Variants in TXNDC8 observed in about 807,000 individuals in gnomAD.
TXNDC8 encodes the protein thioredoxin domain-containing protein 8.
A neutral mutation model predicts 12.9 loss-of-function variants in TXNDC8; 15 were observed. That is an observed-to-expected ratio of 1.16 (90% CI 0.78 to 1.79). The LOEUF is 1.79. Among genes scored for constraint, TXNDC8 ranks in the 40% most tolerant of loss-of-function variants. TXNDC8 has a pLI of 0.00. For missense variants in TXNDC8, 128 were observed against 113.2 expected (o/e 1.13, Z -0.59); for synonymous variants, 40 against 35.4 (o/e 1.13, Z -0.46).
At chr9:110,310,206 TG>T (rs1838613097) in intron 3 of TXNDC8, among the ~76,000 whole-genome samples, 1 of 151,732 alleles carries the variant, frequency 6.6e-6, no homozygotes, top group African/African-American at 2.4e-5. Flanking sequence ...GTGTGGTGTG[TG>T]TGTGTGTGTG....
intron 3 of TXNDC8, among the ~76,000 whole-genome samples, chr9:110,311,537 A>G (rs867722412): frequency 0.031 from 3,668 of 117,842 alleles, 343 homozygotes; most frequent in East Asian, 0.11. Flanking sequence ...ATATATATAT[A>G]TATATATATA....
rs578245948 is a variant in TXNDC8, at chr9:110,318,532, C to T, written c.195+7643G>A. Among the ~76,000 whole-genome samples the T allele has an allele frequency of 9.2e-5, 14 of 152,176 alleles. No individual in the cohort carries two copies. In the East Asian group the frequency reaches 1.7e-3, roughly 19 times the overall value. ...CAGGTGGATCACGAGGTCAGGAGAT[C>T]GAGACCATCCTGCCTAACACGATGA... On this transcript the variant is annotated intron_variant, in intron 3 of 4. Transcript: ENST00000423740.
At position 110,334,214 on chromosome 9, in the gene TXNDC8, A is replaced by C. The variant is rs200534786; in HGVS notation, c.129+2T>G. 1 of 1,608,296 alleles carries C rather than the reference A, an allele frequency of 6.2e-7. No homozygotes were observed. Among genetic ancestry groups the C allele is most frequent in the Admixed American group, 1.7e-5 (1 of 59,932 alleles). ...TATGAGATATATACTGGTTGTACTC[A>C]CATGGAAAACAGGAAACATCCTTTT... On this transcript the variant is annotated splice_donor_variant, in intron 2 of 4. Coordinates refer to ENST00000423740, the MANE Select transcript of TXNDC8 (RefSeq NM_001286946.2). LOFTEE classifies it high-confidence loss of function.
chr9:110,336,430 C>T (rs1839763000), intron 1 of TXNDC8, among the ~76,000 whole-genome samples: 1 of 152,174 alleles, frequency 6.6e-6, no homozygotes, highest in Non-Finnish European at 1.5e-5. Flanking sequence ...AAGGTAGATG[C>T]TATCCTCACA....
chr9:110,319,653 T>C (rs1839017869), intron 3 of TXNDC8, among the ~76,000 whole-genome samples: 1 of 152,212 alleles, frequency 6.6e-6, no homozygotes, highest in Admixed American at 6.5e-5. Flanking sequence ...GATCAAGCAC[T>C]GTGTTTTATG....
intron 2 of TXNDC8, among the ~76,000 whole-genome samples, chr9:110,332,662 G>A (rs1328954405): frequency 6.6e-6 from 1 of 152,032 alleles, no homozygotes; most frequent in Non-Finnish European, 1.5e-5. Flanking sequence ...GAGAAAAAGT[G>A]CCCTGAGATT....
chr9:110,330,326 C>T (rs1350269079), intron 2 of TXNDC8, among the ~76,000 whole-genome samples: 1 of 152,168 alleles, frequency 6.6e-6, no homozygotes, highest in African/African-American at 2.4e-5. Flanking sequence ...CCAATCTATT[C>T]TTGTGCAACC....
chr9:110,305,441 G>C (rs1838398272), intron 3 of TXNDC8, among the ~76,000 whole-genome samples: 1 of 152,132 alleles, frequency 6.6e-6, no homozygotes, highest in Non-Finnish European at 1.5e-5. Context: ...ATCTTTGTGA[G>C]CACATAAGCA....
downstream of TXNDC8, among the ~76,000 whole-genome samples, chr9:110,303,082 T>C (rs1838302851): frequency 6.6e-6 from 1 of 151,842 alleles, no homozygotes; most frequent in African/African-American, 2.4e-5. Flanking sequence ...AATGATGCAT[T>C]GGAGAAGAAT....
At chr9:110,323,095 A>T (rs1328874327) in intron 3 of TXNDC8, 2 of 985,316 alleles carry the variant, frequency 2.0e-6, no homozygotes, top group African/African-American at 1.7e-5. Flanking sequence ...ATGTTAAAAA[A>T]GGATGCCATA....
chr9:110,315,677 T>C (rs936235113), intron 3 of TXNDC8, among the ~76,000 whole-genome samples: 1 of 149,878 alleles, frequency 6.7e-6, no homozygotes, highest in Non-Finnish European at 1.5e-5. Context: ...TGGCTAATTT[T>C]TGTATTTTTT....
At chr9:110,337,464 A>T (rs1475673070) in intron 1 of TXNDC8, among the ~76,000 whole-genome samples, 1 of 152,150 alleles carries the variant, frequency 6.6e-6, no homozygotes, top group Non-Finnish European at 1.5e-5. Flanking sequence ...AGCACAACTG[A>T]GGTACGATCC....
Position 110,326,226 on chromosome 9 carries a change from A to C in TXNDC8, c.144T>G (p.Thr48=). ...ATGTGGGTATTGTTTTGATGTGACA[A>C]GTTTCAGCCAGCTCCTGGGAAAGCA... is the stretch of plus-strand genomic sequence containing the variant. The change falls in exon 3 of 5, where the codon ACT becomes ACG. Residue 48 remains threonine (T), a synonymous_variant. Coordinates refer to ENST00000423740, the MANE Select transcript of TXNDC8 (RefSeq NM_001286946.2). The C allele has an allele frequency of 6.2e-7, 1 of 1,614,036 alleles. No homozygotes were observed. Among genetic ancestry groups the C allele is most frequent in the Non-Finnish European group, 8.5e-7 (1 of 1,179,980 alleles).
chr9:110,309,279 A>AC (rs969405675), intron 3 of TXNDC8, among the ~76,000 whole-genome samples: 25 of 151,568 alleles, frequency 1.6e-4, no homozygotes, highest in Admixed American at 7.9e-4. Flanking sequence ...TGGGGGATTG[A>AC]CCCCCCCACA....
At chr9:110,323,282 C>A in intron 3 of TXNDC8, 1 of 985,216 alleles carries the variant, frequency 1.0e-6, no homozygotes, top group Non-Finnish European at 1.2e-6. Flanking sequence ...GATAGATATC[C>A]AAAACGGATA....
intron 3 of TXNDC8, chr9:110,323,037 C>A (rs562325188): frequency 1.0e-6 from 1 of 985,332 alleles, no homozygotes; most frequent in Non-Finnish European, 1.2e-6. Context: ...GCCTTAAATA[C>A]AATGGTTTAG....
intron 3 of TXNDC8, among the ~76,000 whole-genome samples, chr9:110,321,350 G>C (rs73526775): frequency 0.051 from 7,808 of 152,252 alleles, 351 homozygotes; most frequent in African/African-American, 0.12. Context: ...GCAGAGAAGA[G>C]AGCCATGCTT....
At chr9:110,315,821 C>CT (rs1165785348) in intron 3 of TXNDC8, among the ~76,000 whole-genome samples, 2,118 of 26,354 alleles carry the variant, frequency 0.08, 64 homozygotes, top group African/African-American at 0.22. Flanking sequence ...CCACAAGACA[C>CT]TTTTTTTTTT....
chr9:110,332,514 T>TA (rs1279919864), intron 2 of TXNDC8, among the ~76,000 whole-genome samples: 1 of 152,128 alleles, frequency 6.6e-6, no homozygotes, highest in Non-Finnish European at 1.5e-5. Context: ...TCAGGTGGAT[T>TA]AAAAAAAGTA....
Sources: gnomAD v4.1 joint callset for allele counts (sites outside exome capture counted in the v4.1 genomes callset) on GRCh38, gnomAD v4.1.1 for gene constraint, MANE v1.5 for transcripts, NCBI Gene and HGNC (gene_info 2026-07-23, HGNC 2026-07-21) for gene names.